PSMA1: variants seen among roughly 807,000 people sequenced by gnomAD.
PSMA1 encodes the protein proteasome subunit alpha type-1.
Under a neutral mutation model 38.4 loss-of-function variants are expected in PSMA1, and 3 were observed. That is an observed-to-expected ratio of 0.08 (90% confidence interval 0.04 to 0.20). PSMA1 has a LOEUF of 0.20. Ranked by LOEUF, PSMA1 falls within the 10% of genes least tolerant of loss-of-function variation. The probability of loss-of-function intolerance (pLI) is 1.00; values close to 1 mark genes in which losing one functional copy is unlikely to be tolerated. For synonymous variants in PSMA1, 101 were observed against 107.1 expected (o/e 0.94, Z 0.35); for missense variants, 227 against 325.3 (o/e 0.70, Z 2.32).
intron 1 of PSMA1, among the ~76,000 whole-genome samples, chr11:14,629,239 G>A (rs1852965884): frequency 1.3e-5 from 2 of 152,046 alleles, no homozygotes; most frequent in East Asian, 3.9e-4. Flanking sequence ...TGAAGTCCTT[G>A]CCCATGCCTA....
At chr11:14,630,538 T>C (rs1852989526) in intron 1 of PSMA1, among the ~76,000 whole-genome samples, 1 of 152,062 alleles carries the variant, frequency 6.6e-6, no homozygotes, top group Non-Finnish European at 1.5e-5. Flanking sequence ...GTGGATAAGC[T>C]TTTTGATGTG....
At position 14,545,680 on chromosome 11, in the gene PSMA1, T is replaced by C. The variant is rs567772203; in HGVS notation, c.22-26639A>G. 2.6e-5 allele frequency among the ~76,000 whole-genome samples: 4 copies of C among 152,360 alleles called. No individual in the cohort carries two copies. In the East Asian group the frequency reaches 7.7e-4, roughly 29 times the overall value. On this transcript the variant is annotated intron_variant, in intron 2 of 10. Transcript: ENST00000418988. ...AATTAACACATTAAATTATAAGGTA[T>C]AGCAGTAGATCTATTAACTACCATA...
At chr11:14,606,859 T>C (rs1301108255) in intron 2 of PSMA1, among the ~76,000 whole-genome samples, 2 of 152,188 alleles carry the variant, frequency 1.3e-5, no homozygotes, top group African/African-American at 4.8e-5. Flanking sequence ...TATCACCTGA[T>C]AAGCTGCTAA....
intron 2 of PSMA1, among the ~76,000 whole-genome samples, chr11:14,542,942 G>A (rs1194540579): frequency 2.0e-5 from 3 of 151,860 alleles, no homozygotes; most frequent in Non-Finnish European, 4.4e-5. Flanking sequence ...TGTAACCTCC[G>A]CCTCCCAGGT....
intron 2 of PSMA1, among the ~76,000 whole-genome samples, chr11:14,564,205 C>A (rs181197276): frequency 2.0e-5 from 3 of 152,150 alleles, no homozygotes; most frequent in Non-Finnish European, 4.4e-5. Flanking sequence ...CCTACCCCCC[C>A]ACCCCACCTA....
intron 1 of PSMA1, among the ~76,000 whole-genome samples, chr11:14,628,642 T>C (rs1436656957): frequency 6.8e-6 from 1 of 146,204 alleles, no homozygotes; most frequent in Non-Finnish European, 1.5e-5. Context: ...TGCATGTGTC[T>C]TTATAGCAGC....
intron 3 of PSMA1, 27 bp downstream of exon 3, chr11:14,517,853 G>A: frequency 6.4e-7 from 1 of 1,550,782 alleles, no homozygotes; most frequent in Non-Finnish European, 8.8e-7. Flanking sequence ...TTTCTACAGA[G>A]GAAGACATAT....
intron 1 of PSMA1, among the ~76,000 whole-genome samples, chr11:14,630,215 G>C (rs1301272374): frequency 6.6e-6 from 1 of 152,098 alleles, no homozygotes; most frequent in Non-Finnish European, 1.5e-5. Flanking sequence ...AATAGGAGTG[G>C]TGAGAGAGGG....
chr11:14,538,229 C>T, intron 2 of PSMA1, among the ~76,000 whole-genome samples: 1 of 152,108 alleles, frequency 6.6e-6, no homozygotes, highest in East Asian at 1.9e-4. Flanking sequence ...GTGTACATTG[C>T]TGTCTCCAAC....
At chr11:14,573,315 T>C (rs1468073406) in intron 2 of PSMA1, among the ~76,000 whole-genome samples, 1 of 152,180 alleles carries the variant, frequency 6.6e-6, no homozygotes, top group Non-Finnish European at 1.5e-5. Flanking sequence ...TTATCCACCA[T>C]GATCAAGGGG....
chr11:14,642,514 G>A (rs1248032363), intron 1 of PSMA1, among the ~76,000 whole-genome samples: 1 of 152,208 alleles, frequency 6.6e-6, no homozygotes, highest in Non-Finnish European at 1.5e-5. Context: ...TGTGAACTAT[G>A]ACCATATACG....
At position 14,566,034 on chromosome 11, in the gene PSMA1, G is replaced by A. The variant is rs1852066493; in HGVS notation, c.21+44932C>T. 1.3e-5 allele frequency among the ~76,000 whole-genome samples: 2 copies of A among 152,200 alleles called. 1 individual carries two copies. The highest frequency in any genetic ancestry group is 4.1e-4 in the South Asian group (2 of 4,836). On this transcript the variant is annotated intron_variant, in intron 2 of 10. Coordinates refer to the PSMA1 transcript ENST00000418988. ...CTGGAACAAAGGCCCCATGGTGGGAGCATACCTGGATATCTGACAAAAAGC... is the reference window on the plus strand; with the variant it reads ...CTGGAACAAAGGCCCCATGGTGGGAACATACCTGGATATCTGACAAAAAGC...
At chr11:14,629,411 T>G (rs888634365) in intron 1 of PSMA1, among the ~76,000 whole-genome samples, 3 of 152,314 alleles carry the variant, frequency 2.0e-5, no homozygotes, top group Admixed American at 2.0e-4. Flanking sequence ...CCAGCACCAT[T>G]TATTAAATAG....
chr11:14,611,659 A>T (rs1017603118), intron 1 of PSMA1, among the ~76,000 whole-genome samples: 2 of 152,086 alleles, frequency 1.3e-5, no homozygotes, highest in African/African-American at 4.8e-5. Flanking sequence ...TCAGGTGTGC[A>T]TTTTTTTGTT....
At chr11:14,563,984 C>T (rs1852039900) in intron 2 of PSMA1, among the ~76,000 whole-genome samples, 1 of 152,096 alleles carries the variant, frequency 6.6e-6, no homozygotes, top group Non-Finnish European at 1.5e-5. Flanking sequence ...TTTAATTAAA[C>T]TTTTAATTTT....
chr11:14,636,598 G>C (rs1590018982), intron 1 of PSMA1, among the ~76,000 whole-genome samples: 1 of 152,154 alleles, frequency 6.6e-6, no homozygotes, highest in East Asian at 1.9e-4. Flanking sequence ...CTCTAGCCCA[G>C]ATTGTTTTCT....
chr11:14,575,106 T>C (rs1385563778), intron 2 of PSMA1, among the ~76,000 whole-genome samples: 1 of 152,124 alleles, frequency 6.6e-6, no homozygotes, highest in East Asian at 1.9e-4. Flanking sequence ...GAGAAACTTG[T>C]TGGGAACTGG....
At chr11:14,598,684 G>A (rs961059861) in intron 2 of PSMA1, among the ~76,000 whole-genome samples, 2 of 148,400 alleles carry the variant, frequency 1.3e-5, no homozygotes, top group African/African-American at 5.0e-5. Context: ...GATGGGTCTT[G>A]ACTCTTTATC....
intron 1 of PSMA1, among the ~76,000 whole-genome samples, chr11:14,617,685 GTATA>G (rs3087097): frequency 3.5e-5 from 5 of 144,674 alleles, no homozygotes; most frequent in East Asian, 4.0e-4. Context: ...ATATATATAC[GTATA>G]TATATATATG....
Sources: gnomAD v4.1 joint callset for allele counts (sites outside exome capture counted in the v4.1 genomes callset) on GRCh38, gnomAD v4.1.1 for gene constraint, MANE v1.5 for transcripts, NCBI Gene and HGNC (gene_info 2026-07-23, HGNC 2026-07-21) for gene names.